The following NOMO3 variants were observed in gnomAD, a reference collection of about 807,000 sequenced individuals.
The protein encoded by NOMO3 is NODAL modulator 3.
A neutral mutation model predicts 69.9 loss-of-function variants in NOMO3; 15 were observed. That is an observed-to-expected ratio of 0.21 (90% CI 0.14 to 0.33). The LOEUF is 0.33. NOMO3 is among the 10% of genes least tolerant of loss of function. The pLI, the probability that NOMO3 is intolerant of heterozygous loss-of-function variation, is 1.00. For missense variants in NOMO3, 218 were observed against 761.0 expected (o/e 0.29, Z 8.39); for synonymous variants, 89 against 301.9 (o/e 0.29, Z 7.31).
At chr16:16,263,039 A>G in intron 12 of NOMO3, 35 bp from the exon 13 acceptor site, 1 of 1,591,876 alleles carries the variant, frequency 6.3e-7, no homozygotes, top group Non-Finnish European at 8.5e-7. Flanking sequence ...ATCTCCCCGA[A>G]TGCAGCCTCT....
intron 8 of NOMO3, 73 bp downstream of exon 8, chr16:16,252,173 G>A (rs1169978678): frequency 4.7e-6 from 7 of 1,486,372 alleles, no homozygotes; most frequent in Non-Finnish European, 6.4e-6. Flanking sequence ...TGCTGTTTGG[G>A]TGTTAAAGGA....
At chr16:16,254,653 G>C (rs960657588) in intron 9 of NOMO3, among the ~76,000 whole-genome samples, 4 of 143,158 alleles carry the variant, frequency 2.8e-5, no homozygotes, top group Non-Finnish European at 5.9e-5. Context: ...AAAAGTCCCT[G>C]TCTCCATGAG....
At chr16:16,240,826 C>T (rs2049368773) in intron 3 of NOMO3, among the ~76,000 whole-genome samples, 1 of 142,870 alleles carries the variant, frequency 7.0e-6, no homozygotes, top group Non-Finnish European at 1.5e-5. Context: ...GCTCAGGCAG[C>T]TGACAGCTAA....
At chr16:16,268,931 A>C (rs2049640994) in intron 16 of NOMO3, among the ~76,000 whole-genome samples, 1 of 141,696 alleles carries the variant, frequency 7.1e-6, no homozygotes, top group Non-Finnish European at 1.5e-5. Context: ...ACCGTGCCAC[A>C]TGGTTACTTC....
At chr16:16,233,575 C>A (rs2049300825) in intron 1 of NOMO3, among the ~76,000 whole-genome samples, 1 of 97,216 alleles carries the variant, frequency 1.0e-5, no homozygotes, top group African/African-American at 4.2e-5. Flanking sequence ...GGATTATGAC[C>A]CAGAAAGGTT....
chr16:16,266,109 C>T (rs1399932712), intron 15 of NOMO3, among the ~76,000 whole-genome samples: 1 of 140,920 alleles, frequency 7.1e-6, no homozygotes, highest in East Asian at 2.3e-4. Flanking sequence ...TTCAGGAGCA[C>T]CTCTGTAGAT....
At chr16:16,244,349 C>T (rs925983126) in intron 4 of NOMO3, among the ~76,000 whole-genome samples, 13 of 128,142 alleles carry the variant, frequency 1.0e-4, no homozygotes, top group Admixed American at 9.8e-4. Context: ...GAGTCTCGCT[C>T]TGTGGCCTAA....
chr16:16,234,863 A>G (rs140835370), intron 1 of NOMO3, among the ~76,000 whole-genome samples: 1 of 152,100 alleles, frequency 6.6e-6, no homozygotes. Flanking sequence ...TTTAACAATC[A>G]GCAGGTTTCA....
Position 16,263,073 on chromosome 16 carries a change from G to T in NOMO3, c.1396-1G>T, listed in dbSNP as rs2049577815. The T allele has an allele frequency of 1.9e-6, 3 of 1,595,580 alleles. No homozygotes were observed. The Admixed American group carries it at 5.1e-5, about 27-fold the overall frequency. On this transcript the variant is annotated splice_acceptor_variant, in intron 12 of 30. Transcript: ENST00000399336. LOFTEE classifies it high-confidence loss of function. ...CTAACGTTCCATCCACGTTTCCGCA[G>T]GTGATGGTTCCTGAGGCAGAAACCA...
At chr16:16,233,501 GGT>G (rs1491530072) in intron 1 of NOMO3, among the ~76,000 whole-genome samples, 5 of 91,446 alleles carry the variant, frequency 5.5e-5, no homozygotes, top group East Asian at 5.1e-4. Flanking sequence ...TTGTGCTGAA[GGT>G]TTTTTTTTTT....
chr16:16,239,006 A>G (rs966079263), intron 2 of NOMO3, among the ~76,000 whole-genome samples: 14 of 138,502 alleles, frequency 1.0e-4, no homozygotes, highest in Non-Finnish European at 2.0e-4. Flanking sequence ...TGAACCCAGG[A>G]GACGGAGGTT....
intron 7 of NOMO3, chr16:16,251,761 G>A: frequency 2.1e-6 from 1 of 467,280 alleles, no homozygotes; most frequent in South Asian, 2.7e-5. Context: ...CATCTTTCCC[G>A]GGAAGACTGT....
At chr16:16,274,250 A>T (rs561102452) in intron 20 of NOMO3, among the ~76,000 whole-genome samples, 175 bp downstream of exon 20, 5,972 of 131,620 alleles carry the variant, frequency 0.045, 182 homozygotes, top group Middle Eastern at 0.12. Context: ...GGATGGATGG[A>T]TGGTTGGGTT....
At chr16:16,239,180 C>T (rs2856519) in intron 2 of NOMO3, among the ~76,000 whole-genome samples, 1,552 of 143,532 alleles carry the variant, frequency 0.011, 299 homozygotes, top group African/African-American at 0.041. Flanking sequence ...AGACAGGATC[C>T]CCTTCCGCTG....
At chr16:16,235,633 C>A (rs1477278549) in intron 1 of NOMO3, among the ~76,000 whole-genome samples, 1 of 144,630 alleles carries the variant, frequency 6.9e-6, no homozygotes, top group Non-Finnish European at 1.5e-5. Flanking sequence ...CCTCCTGCCT[C>A]GGCCTCCTGA....
intron 11 of NOMO3, 130 bp downstream of exon 11, chr16:16,256,288 T>C: frequency 7.1e-7 from 1 of 1,411,786 alleles, no homozygotes; most frequent in Non-Finnish European, 9.3e-7. Context: ...TTTTTTTTTT[T>C]TTTGAGAGAC....
At position 16,265,186 on chromosome 16, in the gene NOMO3, A is replaced by G. The variant is rs2049600706; in HGVS notation, c.1806+7A>G. 6.3e-7 allele frequency: 1 copy of G among 1,587,676 alleles called. No individual in the cohort carries two copies. ...GTCTCACGCCATCACTCTGGTATGT[A>G]CGGCTTATGGAGTCTCTTATTTGGA... On this transcript the variant is annotated splice_region_variant and intron_variant, in intron 15 of 30. Coordinates refer to ENST00000399336, the MANE Select transcript of NOMO3 (RefSeq NM_001004067.4).
rs2856571 is a variant in NOMO3 at position 16,269,382 on chromosome 16, C to T, written c.1895-739C>T. Among the ~76,000 whole-genome samples, 7 of 142,224 alleles carry T rather than the reference C, an allele frequency of 4.9e-5. No individual in the cohort carries two copies. The South Asian group carries it at 1.6e-3, about 32-fold the overall frequency. 93.3% of individuals were successfully genotyped at this position (142,224 alleles called of 152,430 possible). A position where few individuals can be genotyped will look rare whatever the true frequency, so the allele number is the denominator to read the frequency against. On this transcript the variant is annotated intron_variant, in intron 16 of 30. Coordinates refer to ENST00000399336, the MANE Select transcript of NOMO3 (RefSeq NM_001004067.4). ...ACCTGGCCAGGAAGAGATGCTCTGTCGATATTTGTTGAATGAAAGACCAAA... is the reference window on the plus strand; with the variant it reads ...ACCTGGCCAGGAAGAGATGCTCTGTTGATATTTGTTGAATGAAAGACCAAA...
At chr16:16,262,965 C>G in intron 12 of NOMO3, 109 bp from the exon 13 acceptor site, 5 of 1,514,320 alleles carry the variant, frequency 3.3e-6, no homozygotes, top group Non-Finnish European at 4.4e-6. Flanking sequence ...AACCTTTGGC[C>G]TTCAAAATCT....
Sources: gnomAD v4.1 joint callset for allele counts (sites outside exome capture counted in the v4.1 genomes callset) on GRCh38, gnomAD v4.1.1 for gene constraint, MANE v1.5 for transcripts, NCBI Gene and HGNC (gene_info 2026-07-23, HGNC 2026-07-21) for gene names.